The following ABRAXAS2 variants were observed in gnomAD, a reference collection of about 807,000 sequenced individuals.
The protein encoded by ABRAXAS2 is BRISC complex subunit Abraxas 2.
In ABRAXAS2, 23 loss-of-function variants were observed where a neutral mutation model predicts 49.0. The ratio of observed to expected loss-of-function variants is 0.47; its 90% CI spans 0.34 to 0.66. ABRAXAS2 has a LOEUF of 0.66. Ranked by LOEUF, ABRAXAS2 falls within the 30% of genes least tolerant of loss-of-function variation. The probability of loss-of-function intolerance (pLI) is 0.01; values close to 1 mark genes in which losing one functional copy is unlikely to be tolerated. For missense variants in ABRAXAS2, 443 were observed against 511.9 expected (o/e 0.87, Z 1.30); for synonymous variants, 168 against 180.2 (o/e 0.93, Z 0.54).
At chr10:124,828,646 T>G in intron 5 of ABRAXAS2, 110 bp from the exon 6 acceptor site, 1 of 1,029,304 alleles carries the variant, frequency 9.7e-7, no homozygotes, top group South Asian at 1.7e-5. Flanking sequence ...AGTGCTGAGA[T>G]TAGAGGTGTG....
intron 4 of ABRAXAS2, among the ~76,000 whole-genome samples, chr10:124,821,391 CCT>C (rs370734770): frequency 0.01 from 1,546 of 152,000 alleles, 26 homozygotes; most frequent in African/African-American, 0.036. Flanking sequence ...ACGGTGAAAC[CCT>C]GTCTCTACTA....
chr10:124,833,622 C>A (rs1351451540), intron 8 of ABRAXAS2, among the ~76,000 whole-genome samples: 4 of 152,196 alleles, frequency 2.6e-5, no homozygotes, highest in Non-Finnish European at 5.9e-5. Context: ...AGGTCTGATA[C>A]TTACAATTTA....
At chr10:124,817,504 C>T (rs373608022) in intron 3 of ABRAXAS2, among the ~76,000 whole-genome samples, 4 of 152,192 alleles carry the variant, frequency 2.6e-5, no homozygotes, top group Admixed American at 6.5e-5. Context: ...TAAAACTCCC[C>T]GAGACCCAAC....
intron 3 of ABRAXAS2, among the ~76,000 whole-genome samples, chr10:124,817,633 C>A (rs941614593): frequency 6.6e-6 from 1 of 152,096 alleles, no homozygotes; most frequent in South Asian, 2.1e-4. Context: ...TTCTGCTTGC[C>A]GCTTCCTGCT....
At chr10:124,825,485 C>A (rs1385401784) in intron 4 of ABRAXAS2, among the ~76,000 whole-genome samples, 1 of 151,978 alleles carries the variant, frequency 6.6e-6, no homozygotes, top group Non-Finnish European at 1.5e-5. Context: ...CTCTGTAGTT[C>A]TTTGCATATG....
intron 4 of ABRAXAS2, among the ~76,000 whole-genome samples, chr10:124,823,940 G>C (rs1950879491): frequency 6.6e-6 from 1 of 152,140 alleles, no homozygotes; most frequent in Admixed American, 6.5e-5. Context: ...TGTTTTTTGA[G>C]ACAGAGTCTT....
Position 124,806,851 on chromosome 10 carries a change from G to A in ABRAXAS2, c.93G>A (p.Glu31=), listed in dbSNP as rs372729001. The A allele has an allele frequency of 8.7e-6, 14 of 1,606,858 alleles. No individual in the cohort carries two copies. The highest frequency in any genetic ancestry group is 1.3e-5 in the African/African-American group (1 of 74,756). Residue 31 remains glutamate (E), a synonymous_variant, in exon 2 of 9, where the codon GAG becomes GAA. Coordinates refer to ENST00000298492, the MANE Select transcript of ABRAXAS2 (RefSeq NM_032182.4). ...NADHEGFLLG[E]VRQEETFSIS... ...TTTAGGAAGGATTTTTACTGGGAGA[G>A]GTAAGACAAGAGGAAACGTTTAGCA...
chr10:124,818,123 G>A (rs569510232), intron 3 of ABRAXAS2, among the ~76,000 whole-genome samples: 6 of 152,248 alleles, frequency 3.9e-5, no homozygotes, highest in East Asian at 1.9e-4. Flanking sequence ...TTGGCCGGGT[G>A]CGGTGGCTCA....
intron 1 of ABRAXAS2, among the ~76,000 whole-genome samples, chr10:124,803,387 A>C (rs1950719284): frequency 2.0e-5 from 3 of 152,214 alleles, no homozygotes; most frequent in Non-Finnish European, 4.4e-5. Context: ...TTTCAATTTT[A>C]AGGTTGAAGA....
chr10:124,803,731 G>A (rs571844893), intron 1 of ABRAXAS2, among the ~76,000 whole-genome samples: 303 of 152,084 alleles, frequency 2.0e-3, no homozygotes, highest in African/African-American at 6.9e-3. Context: ...GAGAAACCCC[G>A]TCTCTACTGA....
At chr10:124,830,167 C>G (rs989202767) in intron 7 of ABRAXAS2, among the ~76,000 whole-genome samples, 1 of 152,112 alleles carries the variant, frequency 6.6e-6, no homozygotes, top group Non-Finnish European at 1.5e-5. Flanking sequence ...GGCTTTGGCC[C>G]GGCATGGTGG....
intron 2 of ABRAXAS2, 93 bp from the exon 3 acceptor site, chr10:124,816,483 A>T: frequency 1.3e-6 from 1 of 755,860 alleles, no homozygotes; most frequent in Non-Finnish European, 2.1e-6. Context: ...TTGTTGTCAG[A>T]GATTTTGATT....
intron 4 of ABRAXAS2, among the ~76,000 whole-genome samples, chr10:124,821,801 C>T (rs970578164): frequency 6.6e-6 from 1 of 152,064 alleles, no homozygotes; most frequent in African/African-American, 2.4e-5. Flanking sequence ...TTTGCAATCA[C>T]CGAAAGAATT....
chr10:124,831,479 A>C lies in ABRAXAS2; in HGVS notation c.778+16A>C. The C allele has an allele frequency of 7.4e-7, 1 of 1,350,968 alleles. No individual in the cohort carries two copies. The highest frequency in any genetic ancestry group is 1.1e-6 in the Non-Finnish European group (1 of 945,192). The allele number at this position is 1,350,968 out of a possible 1,614,324, so 83.7% of individuals were successfully genotyped here. ...CAAGAAAGAAGTAAGTTTCTTATTA[A>C]TTTTACCATTCAGTATCAGGGAAAT... On this transcript the variant is annotated intron_variant, in intron 8 of 8. Coordinates refer to ENST00000298492, the MANE Select transcript of ABRAXAS2 (RefSeq NM_032182.4).
chr10:124,814,281 C>T (rs1329010111), intron 2 of ABRAXAS2, among the ~76,000 whole-genome samples: 1 of 151,964 alleles, frequency 6.6e-6, no homozygotes, highest in East Asian at 1.9e-4. Context: ...TGAGCCACCA[C>T]GCCCGGCCTC....
intron 6 of ABRAXAS2, 130 bp downstream of exon 6, chr10:124,829,005 G>A: frequency 1.2e-6 from 1 of 863,226 alleles, no homozygotes; most frequent in South Asian, 1.9e-5. Context: ...ATACAGTAAG[G>A]TAATTGTCTA....
intron 8 of ABRAXAS2, 127 bp downstream of exon 8, chr10:124,831,590 C>T (rs920500924): frequency 3.9e-5 from 21 of 537,840 alleles, no homozygotes; most frequent in Middle Eastern, 4.8e-4. Context: ...CTGGCTGGGG[C>T]AGAGCAGTCT....
At chr10:124,815,919 A>G (rs1363866886) in intron 2 of ABRAXAS2, among the ~76,000 whole-genome samples, 6 of 116,696 alleles carry the variant, frequency 5.1e-5, no homozygotes, top group African/African-American at 1.0e-4. Context: ...TTTTTTTAAT[A>G]TGAGACAGAG....
At chr10:124,820,665 A>T (rs910733608) in intron 4 of ABRAXAS2, among the ~76,000 whole-genome samples, 15 of 150,480 alleles carry the variant, frequency 1.0e-4, no homozygotes, top group Non-Finnish European at 2.2e-4. Flanking sequence ...CATTTTTAGT[A>T]GAGACAGGGT....
Sources: allele counts gnomAD v4.1 joint callset (sites outside exome capture counted in the v4.1 genomes callset), GRCh38; gene constraint gnomAD v4.1.1; transcripts MANE v1.5; gene names NCBI Gene and HGNC (gene_info 2026-07-23, HGNC 2026-07-21).